TMPRSS12: variants seen among roughly 807,000 people sequenced by gnomAD.
TMPRSS12 encodes the protein transmembrane serine protease 12, also known as transmembrane protease serine 12.
A neutral mutation model predicts 26.0 loss-of-function variants in TMPRSS12; 25 were observed. The observed-to-expected ratio is 0.96, with a 90% CI of 0.70 to 1.34. The LOEUF (loss-of-function observed/expected upper bound fraction) is 1.34, where lower values mean the gene tolerates loss of function less well. Ranked by LOEUF, TMPRSS12 falls within the 40% of genes most tolerant of loss-of-function variation. The pLI is 0.00. For missense variants in TMPRSS12, 441 were observed against 440.1 expected (o/e 1.00, Z -0.02); for synonymous variants, 150 against 161.7 (o/e 0.93, Z 0.55).
At chr12:50,873,025 A>T (rs373387337) in intron 3 of TMPRSS12, among the ~76,000 whole-genome samples, 2 of 151,108 alleles carry the variant, frequency 1.3e-5, no homozygotes, top group African/African-American at 4.9e-5. Context: ...GAATGAATTA[A>T]CGGCATTCGC....
intron 2 of TMPRSS12, among the ~76,000 whole-genome samples, chr12:50,857,986 G>A (rs530221205): frequency 5.3e-5 from 8 of 152,128 alleles, no homozygotes; most frequent in Admixed American, 3.9e-4. Context: ...CCGCCATCAC[G>A]CCCGGCTAAT....
At chr12:50,863,609 T>C (rs1459099743) in intron 3 of TMPRSS12, among the ~76,000 whole-genome samples, 1 of 152,224 alleles carries the variant, frequency 6.6e-6, no homozygotes, top group Non-Finnish European at 1.5e-5. Flanking sequence ...TATGAACGAT[T>C]GATAGATGCA....
intron 3 of TMPRSS12, among the ~76,000 whole-genome samples, chr12:50,861,271 A>G (rs1158255909): frequency 2.0e-5 from 3 of 152,202 alleles, no homozygotes; most frequent in Admixed American, 6.5e-5. Context: ...ATATGAGGTT[A>G]AGTACTAAGA....
intron 1 of TMPRSS12, 67 bp downstream of exon 1, chr12:50,843,218 A>G (rs1019633285): frequency 4.9e-6 from 7 of 1,424,518 alleles, no homozygotes; most frequent in African/African-American, 1.5e-5. Flanking sequence ...ATAGTCTTTG[A>G]ATTCGGGTTT....
chr12:50,887,375 T>C lies in TMPRSS12; in HGVS notation c.909T>C (p.Tyr303=). ...GTCGAAGAGGTTTTCCTGGTGTCTATATTGGGCCATCCTTCTACCAAAAGT... is the reference window on the plus strand; with the variant it reads ...GTCGAAGAGGTTTTCCTGGTGTCTACATTGGGCCATCCTTCTACCAAAAGT... ...GCGRRGFPGV[Y]IGPSFYQKWL... The change falls in exon 5 of 5, where the codon TAT becomes TAC. Residue 303 remains tyrosine (Y), a synonymous_variant. Coordinates refer to ENST00000398458, the MANE Select transcript of TMPRSS12 (RefSeq NM_182559.3). 6.2e-7 allele frequency: 1 copy of C among 1,613,968 alleles called. No homozygotes were observed. Among genetic ancestry groups the C allele is most frequent in the East Asian group, 2.2e-5 (1 of 44,882 alleles).
At chr12:50,847,209 C>T (rs1001410223) in intron 2 of TMPRSS12, among the ~76,000 whole-genome samples, 1 of 152,070 alleles carries the variant, frequency 6.6e-6, no homozygotes, top group African/African-American at 2.4e-5. Flanking sequence ...CAGGCGCCCC[C>T]CACCATGCCT....
intron 3 of TMPRSS12, 75 bp downstream of exon 3, chr12:50,859,128 A>C (rs1937910768): frequency 7.6e-7 from 1 of 1,312,186 alleles, no homozygotes; most frequent in Non-Finnish European, 1.0e-6. Context: ...TTTTATATAC[A>C]TTCATGTGCC....
intron 3 of TMPRSS12, among the ~76,000 whole-genome samples, chr12:50,863,295 A>G (rs1937955804): frequency 6.6e-6 from 1 of 152,214 alleles, no homozygotes; most frequent in African/African-American, 2.4e-5. Context: ...ATAATAATAA[A>G]AGGCCCTCAG....
chr12:50,878,075 A>G (rs1431470002), intron 3 of TMPRSS12, among the ~76,000 whole-genome samples: 1 of 152,216 alleles, frequency 6.6e-6, no homozygotes, highest in Admixed American at 6.5e-5. Context: ...AATGTTGTTA[A>G]TACGGCAATT....
At chr12:50,879,192 C>A (rs1257377031) in intron 3 of TMPRSS12, among the ~76,000 whole-genome samples, 1 of 152,130 alleles carries the variant, frequency 6.6e-6, no homozygotes, top group African/African-American at 2.4e-5. Flanking sequence ...AGTATAAGAG[C>A]TACAGTTGCA....
chr12:50,885,322 TG>T lies in TMPRSS12; in HGVS notation c.734del (p.Gly245GlufsTer2), dbSNP rs1565938761. The stretch of plus-strand genomic sequence containing the variant: ...AGATGTGTAATTCTGAGAGGAGTTA[TG>T]GGGGAATAATTCCTAACACTTCATT... ...REMCNSERSYGGIIPNTSFCA... is the reference protein window; with the variant it reads ...REMCNSERSYXGIIPNTSFCA... On this transcript the variant is annotated frameshift_variant, in exon 4 of 5. Transcript: ENST00000398458. LOFTEE classifies it high-confidence loss of function. 2 of 1,613,776 alleles carry T rather than the reference TG, an allele frequency of 1.2e-6. No individual in the cohort carries two copies. Among genetic ancestry groups the T allele is most frequent in the South Asian group, 2.2e-5 (2 of 91,060 alleles).
At chr12:50,885,894 C>T in intron 4 of TMPRSS12, 1 of 171,364 alleles carries the variant, frequency 5.8e-6, no homozygotes. Flanking sequence ...TCTTGAACTC[C>T]TGACCTCAAG....
chr12:50,869,807 G>A (rs1348330897), intron 3 of TMPRSS12, among the ~76,000 whole-genome samples: 3 of 152,142 alleles, frequency 2.0e-5, no homozygotes, highest in African/African-American at 7.2e-5. Flanking sequence ...CACCAGCTGG[G>A]CACAGTGGCT....
At chr12:50,869,587 C>G (rs1042590604) in intron 3 of TMPRSS12, among the ~76,000 whole-genome samples, 1 of 152,130 alleles carries the variant, frequency 6.6e-6, no homozygotes, top group African/African-American at 2.4e-5. Flanking sequence ...AAAATTGCTA[C>G]CAATCCTTTT....
intron 3 of TMPRSS12, among the ~76,000 whole-genome samples, chr12:50,871,898 T>C (rs1241472465): frequency 6.6e-6 from 1 of 151,114 alleles, no homozygotes; most frequent in African/African-American, 2.4e-5. Flanking sequence ...ACCACCTTAC[T>C]CCTTCAAGAG....
At chr12:50,873,614 T>C (rs1938087399) in intron 3 of TMPRSS12, among the ~76,000 whole-genome samples, 1 of 152,232 alleles carries the variant, frequency 6.6e-6, no homozygotes, top group South Asian at 2.1e-4. Flanking sequence ...ACATTCTCCG[T>C]ACACAACAGT....
At chr12:50,865,314 G>A (rs1462934051) in intron 3 of TMPRSS12, among the ~76,000 whole-genome samples, 7 of 152,028 alleles carry the variant, frequency 4.6e-5, no homozygotes, top group Non-Finnish European at 1.0e-4. Context: ...CCTGGGCAAC[G>A]AGAGCAAGAC....
At chr12:50,855,368 A>C (rs1471227146) in intron 2 of TMPRSS12, among the ~76,000 whole-genome samples, 1 of 152,158 alleles carries the variant, frequency 6.6e-6, no homozygotes, top group Non-Finnish European at 1.5e-5. Context: ...GCAAGCAAAA[A>C]CCAGACAACC....
At chr12:50,861,899 T>G (rs1192024054) in intron 3 of TMPRSS12, among the ~76,000 whole-genome samples, 1 of 151,842 alleles carries the variant, frequency 6.6e-6, no homozygotes, top group African/African-American at 2.4e-5. Context: ...AACCTTTGCC[T>G]CTTGGGTTCA....
Sources: gnomAD v4.1 joint callset for allele counts (sites outside exome capture counted in the v4.1 genomes callset) on GRCh38, gnomAD v4.1.1 for gene constraint, MANE v1.5 for transcripts, NCBI Gene and HGNC (gene_info 2026-07-23, HGNC 2026-07-21) for gene names.